The following MYT1 variants were observed in gnomAD, a reference collection of about 807,000 sequenced individuals.
The protein encoded by MYT1 is myelin transcription factor I.
A neutral mutation model predicts 123.0 loss-of-function variants in MYT1; 23 were observed. That is an observed-to-expected ratio of 0.19 (90% confidence interval 0.13 to 0.26). The LOEUF is 0.26. Among genes scored for constraint, MYT1 ranks in the 10% least tolerant of loss-of-function variants. The probability of loss-of-function intolerance (pLI) is 1.00; values close to 1 mark genes in which losing one functional copy is unlikely to be tolerated. For synonymous variants in MYT1, 518 were observed against 575.3 expected, an observed-to-expected ratio of 0.90 and a Z score of 1.43; for missense variants, 1,125 against 1,472.5, an observed-to-expected ratio of 0.76 and a Z score of 3.86.
rs2145705383 is a variant in MYT1 at position 64,193,960 on chromosome 20, G to A, written c.-1+3800G>A. ...CGCTGGGGTGAATGGCCCCCGTGGT[G>A]TCAGAATGCCCGGAACCCCCCAGCT... On this transcript the variant is annotated intron_variant, in intron 2 of 22. Coordinates refer to ENST00000328439, the MANE Select transcript of MYT1 (RefSeq NM_004535.3). The surrounding 1 kb of genome is among the most constrained non-coding windows in gnomAD (Gnocchi z 4.0). Among the ~76,000 whole-genome samples the A allele has an allele frequency of 6.6e-6, 1 of 152,282 alleles. No individual in the cohort carries two copies. Among genetic ancestry groups the A allele is most frequent in the East Asian group, 1.9e-4 (1 of 5,184 alleles).
rs887838854 is a variant in MYT1 at position 64,192,561 on chromosome 20, C to T, written c.-1+2401C>T. On this transcript the variant is annotated intron_variant, in intron 2 of 22. Transcript: ENST00000328439. The surrounding 1 kb of genome is among the most constrained non-coding windows in gnomAD (Gnocchi z 5.3). Reference sequence around the variant, plus strand: ...TGCATGGGACCGTCACAGCCTGCGGCGTGCCTCTGAGTTCAGCACCAGGCA... The same window carrying T: ...TGCATGGGACCGTCACAGCCTGCGGTGTGCCTCTGAGTTCAGCACCAGGCA... Among the ~76,000 whole-genome samples, 5 of 152,282 alleles carry T rather than the reference C, an allele frequency of 3.3e-5. No individual in the cohort carries two copies. Among genetic ancestry groups the T allele is most frequent in the Admixed American group, 1.3e-4 (2 of 15,300 alleles).
rs941874688 is a variant in MYT1 at position 64,166,755 on chromosome 20, C to T, written c.-99+2016C>T. On this transcript the variant is annotated intron_variant, in intron 1 of 22. Transcript: ENST00000328439. The surrounding 1 kb of genome is among the most constrained non-coding windows in gnomAD (Gnocchi z 4.9). The stretch of plus-strand genomic sequence containing the variant: ...TGGGGAAACACTCTCTGAGATGACC[C>T]CTTCTAGCCATGTGGGATGCAAAGT... Among the ~76,000 whole-genome samples, 4 of 152,176 alleles carry T rather than the reference C, an allele frequency of 2.6e-5. No individual in the cohort carries two copies. The highest frequency in any genetic ancestry group is 9.7e-5 in the African/African-American group (4 of 41,432).
chr20:64,237,814 G>A (rs746649314), intron 21 of MYT1, among the ~76,000 whole-genome samples: 66 of 152,268 alleles, frequency 4.3e-4, no homozygotes, highest in Non-Finnish European at 7.4e-4. Context: ...CTCTGGAGCC[G>A]GGTTTCCTTC....
intron 4 of MYT1, 141 bp from the exon 5 acceptor site, chr20:64,204,894 A>G: frequency 2.8e-6 from 2 of 724,350 alleles, no homozygotes; most frequent in Non-Finnish European, 4.7e-6. Context: ...GGGGCGAGTT[A>G]TTAATTTTCA....
At chr20:64,172,736 A>G (rs1367033352) in intron 1 of MYT1, among the ~76,000 whole-genome samples, 2 of 105,586 alleles carry the variant, frequency 1.9e-5, no homozygotes, top group East Asian at 5.6e-4. Flanking sequence ...CTCTGGCCAT[A>G]CCCTCTTTTT....
chr20:64,172,636 C>G (rs1358948805), intron 1 of MYT1, among the ~76,000 whole-genome samples: 1 of 152,048 alleles, frequency 6.6e-6, no homozygotes, highest in African/African-American at 2.4e-5. Flanking sequence ...AATTCCAGAG[C>G]AGGACCTCTT....
intron 1 of MYT1, among the ~76,000 whole-genome samples, chr20:64,184,049 A>G (rs1982729554): frequency 6.6e-6 from 1 of 152,114 alleles, no homozygotes; most frequent in Admixed American, 6.6e-5. Context: ...CGAACCCCTG[A>G]CCTCAAGTGA....
Position 64,236,609 on chromosome 20 carries a change from G to T in MYT1, c.2952G>T (p.Gly984=). 6.2e-7 allele frequency: 1 copy of T among 1,613,770 alleles called. No homozygotes were observed. The highest frequency in any genetic ancestry group is 8.5e-7 in the Non-Finnish European group (1 of 1,179,864). Residue 984 remains glycine, a synonymous_variant, in exon 20 of 23, where the codon GGG becomes GGT. Coordinates refer to ENST00000328439, the MANE Select transcript of MYT1 (RefSeq NM_004535.3). ...TFAGKKGKLS[G]DEVLSPKFKT... ...CTGGAAAGAAGGGAAAACTGTCAGGGGATGAGGTCCTCAGTCCAAAGTTCA... is the reference window on the plus strand; with the variant it reads ...CTGGAAAGAAGGGAAAACTGTCAGGTGATGAGGTCCTCAGTCCAAAGTTCA...
chr20:64,218,390 G>A lies in MYT1; in HGVS notation c.1847-521G>A, dbSNP rs6062669. Among the ~76,000 whole-genome samples the A allele has an allele frequency of 2.0e-5, 3 of 152,248 alleles. No homozygotes were observed. Among genetic ancestry groups the A allele is most frequent in the Admixed American group, 2.0e-4 (3 of 15,294 alleles). ...TTGAGCAATAATGTTACTTTTTTAA[G>A]GCAGTGATGGTTACCGGGGACACCA... is the stretch of plus-strand genomic sequence containing the variant. On this transcript the variant is annotated intron_variant, in intron 11 of 22. Transcript: ENST00000328439. The surrounding 1 kb of genome is among the most constrained non-coding windows in gnomAD (Gnocchi z 4.0).
In MYT1 at chr20:64,186,309, G is replaced by T. The variant is rs6062355; in HGVS notation, c.-98-3754G>T. ...GGGTGCCGGGAGCTGATCCCGAGAGGCTTGTTTTCCAGGAGACGTGCTCAG... is the reference window on the plus strand; with the variant it reads ...GGGTGCCGGGAGCTGATCCCGAGAGTCTTGTTTTCCAGGAGACGTGCTCAG... On this transcript the variant is annotated intron_variant, in intron 1 of 22. Coordinates refer to ENST00000328439, the MANE Select transcript of MYT1 (RefSeq NM_004535.3). This position sits in a 1 kb window ranked among gnomAD's most constrained non-coding sequence, Gnocchi z 4.3. Among the ~76,000 whole-genome samples, 18,626 of 152,182 alleles carry T rather than the reference G, an allele frequency of 0.12. 1,354 individuals are homozygous for T. The highest frequency in any genetic ancestry group is 0.17 in the East Asian group (889 of 5,160).
Position 64,196,545 on chromosome 20 carries a change from G to A in MYT1, c.1-2317G>A, listed in dbSNP as rs938782800. ...GTGTCCCAAGTCACCCAGCTCTTACGGGTTCATTCTCGTATTAAAGAGCCT... is the reference window on the plus strand; with the variant it reads ...GTGTCCCAAGTCACCCAGCTCTTACAGGTTCATTCTCGTATTAAAGAGCCT... On this transcript the variant is annotated intron_variant, in intron 2 of 22. Transcript: ENST00000328439. This position sits in a 1 kb window ranked among gnomAD's most constrained non-coding sequence, Gnocchi z 4.3. Among the ~76,000 whole-genome samples, 11 of 152,342 alleles carry A rather than the reference G, an allele frequency of 7.2e-5. No homozygotes were observed. The highest frequency in any genetic ancestry group is 2.6e-4 in the African/African-American group (11 of 41,580).
chr20:64,197,978 G>A (rs973737913), intron 2 of MYT1, among the ~76,000 whole-genome samples: 4 of 152,252 alleles, frequency 2.6e-5, no homozygotes, highest in African/African-American at 4.8e-5. Flanking sequence ...ACCCTGGTGC[G>A]TGAGGGGCAT....
At chr20:64,229,093 A>AT (rs1193890526) in intron 18 of MYT1, among the ~76,000 whole-genome samples, 5 of 152,216 alleles carry the variant, frequency 3.3e-5, no homozygotes, top group African/African-American at 1.2e-4. Flanking sequence ...TCAGACGGGG[A>AT]TGGGCCCACC....
At chr20:64,195,153 C>T (rs1048674637) in intron 2 of MYT1, among the ~76,000 whole-genome samples, 1 of 151,870 alleles carries the variant, frequency 6.6e-6, no homozygotes, top group Admixed American at 6.6e-5. Context: ...CATGCCCGGC[C>T]CTGTTTCTGG....
Position 64,203,424 on chromosome 20 carries a change from G to A in MYT1, c.87-1611G>A, listed in dbSNP as rs1983382516. ...TTAGAAGAGACTAGAGGCAGGGAGAGGTGGGTGGCAGCGGCGGCAACTCCC... is the reference window on the plus strand; with the variant it reads ...TTAGAAGAGACTAGAGGCAGGGAGAAGTGGGTGGCAGCGGCGGCAACTCCC... On this transcript the variant is annotated intron_variant, in intron 4 of 22. Coordinates refer to ENST00000328439, the MANE Select transcript of MYT1 (RefSeq NM_004535.3). This position sits in a 1 kb window ranked among gnomAD's most constrained non-coding sequence, Gnocchi z 5.1. 1.3e-5 allele frequency among the ~76,000 whole-genome samples: 2 copies of A among 152,210 alleles called. No individual in the cohort carries two copies. The highest frequency in any genetic ancestry group is 6.5e-5 in the Admixed American group (1 of 15,294).
rs1983131306 is a variant in MYT1 at position 64,196,664 on chromosome 20, G to A, written c.1-2198G>A. Among the ~76,000 whole-genome samples the A allele has an allele frequency of 6.6e-6, 1 of 152,176 alleles. No individual in the cohort carries two copies. The highest frequency in any genetic ancestry group is 6.5e-5 in the Admixed American group (1 of 15,272). On this transcript the variant is annotated intron_variant, in intron 2 of 22. Coordinates refer to ENST00000328439, the MANE Select transcript of MYT1 (RefSeq NM_004535.3). The surrounding 1 kb of genome is among the most constrained non-coding windows in gnomAD (Gnocchi z 4.3). The stretch of plus-strand genomic sequence containing the variant: ...ACTTCTCGCTTATTGACCAGTCAAT[G>A]CAGATAAATTGCAAATGGTAAAAAG...
intron 1 of MYT1, among the ~76,000 whole-genome samples, chr20:64,173,038 C>G (rs1982333792): frequency 6.6e-6 from 1 of 152,116 alleles, no homozygotes; most frequent in East Asian, 1.9e-4. Context: ...CTCATACCCT[C>G]TTAATTCTTA....
Position 64,232,907 on chromosome 20 carries a change from A to G in MYT1, c.2897+522A>G, listed in dbSNP as rs1984365775. ...AGCTGGTAACCCCTCTCTGTCAGGC[A>G]GTGGGCCTGGGCAGCATTCACCAAC... On this transcript the variant is annotated intron_variant, in intron 19 of 22. Coordinates refer to ENST00000328439, the MANE Select transcript of MYT1 (RefSeq NM_004535.3). The surrounding 1 kb of genome is among the most constrained non-coding windows in gnomAD (Gnocchi z 6.9). Among the ~76,000 whole-genome samples the G allele has an allele frequency of 1.3e-5, 2 of 151,890 alleles. No individual in the cohort carries two copies. Among genetic ancestry groups the G allele is most frequent in the Non-Finnish European group, 2.9e-5 (2 of 67,934 alleles).
In MYT1 at chr20:64,219,713, T is replaced by C; in HGVS notation, c.1972T>C (p.Ser658Pro). 1 of 1,609,138 alleles carries C rather than the reference T, an allele frequency of 6.2e-7. No homozygotes were observed. Residue 658 changes from serine (S) to proline (P), a missense_variant and splice_region_variant, in exon 13 of 23, where the codon TCT (serine) becomes CCT (proline). By Grantham distance (74) the Ser-to-Pro change is moderately conservative. Coordinates refer to ENST00000328439, the MANE Select transcript of MYT1 (RefSeq NM_004535.3). ...ACAGATCTCACCTTTGCCATTGCAG[T>C]CTGTGGATATCGAGGTAGACGAAAA... is the stretch of plus-strand genomic sequence containing the variant. ...STKPQDLPSK[S>P]VDIEVDENGT...
Sources: gnomAD v4.1 joint callset for allele counts (sites outside exome capture counted in the v4.1 genomes callset) on GRCh38, gnomAD v4.1.1 for gene constraint, Gnocchi (gnomAD v3.1) non-coding constraint, MANE v1.5 for transcripts, NCBI Gene and HGNC (gene_info 2026-07-23, HGNC 2026-07-21) for gene names.